The following SMURF2 variants were observed in gnomAD, a reference collection of about 807,000 sequenced individuals.
The protein encoded by SMURF2 is SMAD specific E3 ubiquitin protein ligase 2.
Under a neutral mutation model 109.6 loss-of-function variants are expected in SMURF2, and 48 were observed. The ratio of observed to expected loss-of-function variants is 0.44; its 90% CI spans 0.35 to 0.56. SMURF2 has a LOEUF of 0.56. SMURF2 is among the 20% of genes least tolerant of loss of function. The probability of loss-of-function intolerance (pLI) is 0.01; values close to 1 mark genes in which losing one functional copy is unlikely to be tolerated. For synonymous variants in SMURF2, 288 were observed against 317.1 expected (o/e 0.91, Z 0.97); for missense variants, 575 against 909.0 (o/e 0.63, Z 4.72).
rs1968971410 is a variant in SMURF2 at position 64,547,284 on chromosome 17, C to A, written c.2071+316G>T. 6.6e-6 allele frequency among the ~76,000 whole-genome samples: 1 copy of A among 152,134 alleles called. No individual in the cohort carries two copies. Among genetic ancestry groups the A allele is most frequent in the South Asian group, 2.1e-4 (1 of 4,832 alleles). ...ACGTTTCACCAGGTCAAGATGTGAA[C>A]ATGGAAGTGAACGACTTCCCTACAG... On this transcript the variant is annotated intron_variant, in intron 17 of 18. Coordinates refer to ENST00000262435, the MANE Select transcript of SMURF2 (RefSeq NM_022739.4). This position sits in a 1 kb window ranked among gnomAD's most constrained non-coding sequence, Gnocchi z 4.2.
At position 64,583,692 on chromosome 17, in the gene SMURF2, T is replaced by C. The variant is rs1483696537; in HGVS notation, c.486-148A>G. 4.8e-6 allele frequency: 3 copies of C among 624,116 alleles called. No homozygotes were observed. The African/African-American group carries it at 5.5e-5, about 11-fold the overall frequency. 38.7% of individuals were successfully genotyped at this position (624,116 alleles called of 1,614,324 possible). ...AATATATAATTTTTTCAACTTATTT[T>C]AGAACTCTGTAATATATTTTATGGG... On this transcript the variant is annotated intron_variant, in intron 6 of 18. Transcript: ENST00000262435.
chr17:64,558,335 G>A lies in SMURF2; in HGVS notation c.1317-613C>T, dbSNP rs750914985. Among the ~76,000 whole-genome samples the A allele has an allele frequency of 2.0e-5, 3 of 151,922 alleles. No individual in the cohort carries two copies. In the East Asian group the frequency reaches 5.8e-4, roughly 29 times the overall value. ...GATTGCTTGAGCCCTGGAGGTTGAG[G>A]CTGCAGTGAGCTGAGATTGCACCAC... On this transcript the variant is annotated intron_variant, in intron 12 of 18. Coordinates refer to ENST00000262435, the MANE Select transcript of SMURF2 (RefSeq NM_022739.4).
chr17:64,638,047 T>C (rs1970444194), intron 1 of SMURF2, among the ~76,000 whole-genome samples: 1 of 149,486 alleles, frequency 6.7e-6, no homozygotes, highest in South Asian at 2.1e-4. Flanking sequence ...CATGAGTTTT[T>C]TTTTTTTCCT....
chr17:64,570,662 C>T (rs782360242), intron 10 of SMURF2, among the ~76,000 whole-genome samples: 1 of 152,224 alleles, frequency 6.6e-6, no homozygotes, highest in Admixed American at 6.5e-5. Flanking sequence ...CCAGACTTCA[C>T]CACTGGCAAC....
intron 9 of SMURF2, among the ~76,000 whole-genome samples, chr17:64,576,841 G>T (rs369445053): frequency 1.7e-5 from 2 of 118,400 alleles, no homozygotes; most frequent in African/African-American, 6.3e-5. Flanking sequence ...TATGTGTTCC[G>T]TTATTCCCCA....
At chr17:64,659,272 T>C (rs1272637091) in intron 1 of SMURF2, among the ~76,000 whole-genome samples, 1 of 152,198 alleles carries the variant, frequency 6.6e-6, no homozygotes, top group Non-Finnish European at 1.5e-5. Flanking sequence ...ATACAGCATC[T>C]TGAAATCAAA....
rs147824110 is a variant in SMURF2, at chr17:64,624,299, C to T, written c.53-17659G>A. Among the ~76,000 whole-genome samples the T allele has an allele frequency of 9.9e-3, 1,497 of 151,976 alleles. 23 individuals are homozygous for T. The highest frequency in any genetic ancestry group is 0.034 in the African/African-American group (1,396 of 41,462). Reference sequence around the variant, plus strand: ...ACTGCTTGAGCCCAGGAGTTCAAGACCAGCCTGGGCAACATGGTGAAACCT... The same window carrying T: ...ACTGCTTGAGCCCAGGAGTTCAAGATCAGCCTGGGCAACATGGTGAAACCT... On this transcript the variant is annotated intron_variant, in intron 1 of 18. Transcript: ENST00000262435.
Position 64,545,588 on chromosome 17 carries a change from T to G in SMURF2, c.*260A>C. The G allele has an allele frequency of 3.7e-6, 1 of 270,508 alleles. No individual in the cohort carries two copies. Among genetic ancestry groups the G allele is most frequent in the Non-Finnish European group, 7.0e-6 (1 of 142,818 alleles). 16.8% of individuals were successfully genotyped at this position (270,508 alleles called of 1,614,324 possible). ...TCTGGAAATGTAGGAAAAGTCAGCA[T>G]TCTTTAGGTTCAAGATATTAAGTTT... On this transcript the variant is annotated 3_prime_UTR_variant, in exon 19 of 19. Transcript: ENST00000262435.
At chr17:64,615,103 A>T (rs560289089) in intron 1 of SMURF2, among the ~76,000 whole-genome samples, 1 of 152,190 alleles carries the variant, frequency 6.6e-6, no homozygotes, top group Non-Finnish European at 1.5e-5. Flanking sequence ...AGAGAATGCT[A>T]TGCTTGTTCT....
At chr17:64,641,349 C>T (rs1970490460) in intron 1 of SMURF2, among the ~76,000 whole-genome samples, 1 of 151,914 alleles carries the variant, frequency 6.6e-6, no homozygotes, top group Non-Finnish European at 1.5e-5. Context: ...ATAGTCCAAC[C>T]CCCCAAAAAA....
intron 10 of SMURF2, among the ~76,000 whole-genome samples, chr17:64,568,145 C>T (rs782521095): frequency 9.2e-5 from 14 of 151,798 alleles, no homozygotes; most frequent in South Asian, 2.1e-4. Flanking sequence ...TGGGCCACCG[C>T]GCCTGGCCTA....
At chr17:64,551,313 C>T (rs959973144) in intron 16 of SMURF2, among the ~76,000 whole-genome samples, 1 of 151,722 alleles carries the variant, frequency 6.6e-6, no homozygotes, top group East Asian at 1.9e-4. Flanking sequence ...GCCATGATTG[C>T]ACCACTGCAC....
At chr17:64,634,567 G>A (rs1555691913) in intron 1 of SMURF2, among the ~76,000 whole-genome samples, 1 of 152,140 alleles carries the variant, frequency 6.6e-6, no homozygotes, top group African/African-American at 2.4e-5. Flanking sequence ...CGCCTCTGTA[G>A]ATATTTTATA....
intron 3 of SMURF2, among the ~76,000 whole-genome samples, chr17:64,597,228 A>C (rs781846800): frequency 6.6e-6 from 1 of 151,770 alleles, no homozygotes; most frequent in Non-Finnish European, 1.5e-5. Context: ...ATATAGCAAG[A>C]CCCCATCTCT....
Position 64,648,077 on chromosome 17 carries a change from A to C in SMURF2, c.52+13752T>G, listed in dbSNP as rs868959670. ...ATCTCTTAAAAAAAAAAAAAAAAAA[A>C]AAAAAAAAAAAAAAACAGGATCTCA... On this transcript the variant is annotated intron_variant, in intron 1 of 18. Transcript: ENST00000262435. Among the ~76,000 whole-genome samples, 177 of 148,790 alleles carry C rather than the reference A, an allele frequency of 1.2e-3. 3 individuals are homozygous for C. The highest frequency in any genetic ancestry group is 4.1e-3 in the African/African-American group (168 of 40,806).
chr17:64,601,084 T>A (rs1300264590), intron 2 of SMURF2, among the ~76,000 whole-genome samples: 1 of 151,684 alleles, frequency 6.6e-6, no homozygotes, highest in African/African-American at 2.4e-5. Context: ...CCACCCCCCA[T>A]CCCCCACAAA....
chr17:64,572,902 T>C (rs1471261807), intron 9 of SMURF2: 1 of 152,060 alleles, frequency 6.6e-6, no homozygotes, highest in Admixed American at 6.6e-5. Flanking sequence ...AAATTGCTGT[T>C]GTCATCCACC....
At chr17:64,585,531 C>T (rs1237647406) in intron 6 of SMURF2, among the ~76,000 whole-genome samples, 1 of 152,062 alleles carries the variant, frequency 6.6e-6, no homozygotes, top group African/African-American at 2.4e-5. Context: ...AAATTAAGGT[C>T]ATAAAGCCAA....
chr17:64,608,098 G>A (rs1969997827), intron 1 of SMURF2, among the ~76,000 whole-genome samples: 1 of 151,656 alleles, frequency 6.6e-6, no homozygotes, highest in African/African-American at 2.4e-5. Context: ...CTTGATACAA[G>A]AGAAAGAAAA....
Sources: gnomAD v4.1 joint callset for allele counts (sites outside exome capture counted in the v4.1 genomes callset) on GRCh38, gnomAD v4.1.1 for gene constraint, Gnocchi (gnomAD v3.1) non-coding constraint, MANE v1.5 for transcripts, NCBI Gene and HGNC (gene_info 2026-07-23, HGNC 2026-07-21) for gene names.